PDE1B: variants seen among roughly 807,000 people sequenced by gnomAD.
The protein encoded by PDE1B is dual specificity calcium/calmodulin-dependent 3',5'-cyclic nucleotide phosphodiesterase 1B.
A neutral mutation model predicts 66.7 loss-of-function variants in PDE1B; 13 were observed. The observed-to-expected ratio is 0.19, with a 90% confidence interval of 0.13 to 0.31. The LOEUF is 0.31. Ranked by LOEUF, PDE1B falls within the 10% of genes least tolerant of loss-of-function variation. The probability of loss-of-function intolerance (pLI) is 1.00; values close to 1 mark genes in which losing one functional copy is unlikely to be tolerated. For synonymous variants in PDE1B, 230 were observed against 253.9 expected, an observed-to-expected ratio of 0.91 and a Z score of 0.90; for missense variants, 485 against 682.3, an observed-to-expected ratio of 0.71 and a Z score of 3.22.
Position 54,576,310 on chromosome 12 carries a change from G to A in PDE1B, c.1376+210G>A, listed in dbSNP as rs1466729250. ...CTATGCTCCCCTTCACCATATTTTT[G>A]TTTCTTCCATTAGCTGTCTTTCTGC... On this transcript the variant is annotated intron_variant, in intron 13 of 15. Coordinates refer to ENST00000243052, the MANE Select transcript of PDE1B (RefSeq NM_000924.4). 8.3e-6 allele frequency: 5 copies of A among 603,512 alleles called. No individual in the cohort carries two copies. In the Admixed American group the frequency reaches 1.5e-4, roughly 18 times the overall value. 37.4% of individuals were successfully genotyped at this position (603,512 alleles called of 1,614,324 possible). A position where few individuals can be genotyped will look rare whatever the true frequency, so the allele number is the denominator to read the frequency against.
Position 54,569,294 on chromosome 12 carries a change from G to A in PDE1B, c.338G>A (p.Gly113Asp). The change falls in exon 4 of 16, where the codon GGC becomes GAC. Residue 113 changes from glycine (G) to aspartate (D), a missense_variant. Physicochemically the swap from Gly to Asp is moderately conservative, Grantham distance 94. Around this residue, in one of 4 missense-constraint regions of PDE1B, gnomAD observed 282 missense variants for 453.4 expected, o/e 0.62. Transcript: ENST00000243052. This position sits in a 1 kb window ranked among gnomAD's most constrained non-coding sequence, Gnocchi z 4.4. ...TTCACCCAGCAGGCCCGGGCCAAAG[G>A]CCGCCGAGCAGAGGAGAAGCCCAAG... is the stretch of plus-strand genomic sequence containing the variant. ...STFTQQARAK[G>D]RRAEEKPKFR... 1 of 1,614,050 alleles carries A rather than the reference G, an allele frequency of 6.2e-7. No individual in the cohort carries two copies. The highest frequency in any genetic ancestry group is 8.5e-7 in the Non-Finnish European group (1 of 1,179,966).
Position 54,576,061 on chromosome 12 carries a change from C to A in PDE1B, c.1337C>A (p.Pro446His). The change falls in exon 13 of 16, where the codon CCC becomes CAC. Residue 446 changes from proline (P) to histidine (H), a missense_variant. Physicochemically the swap from Pro to His is moderately conservative, Grantham distance 77. Around this residue, in one of 4 missense-constraint regions of PDE1B, gnomAD observed 126 missense variants for 133.8 expected, o/e 0.94. Coordinates refer to ENST00000243052, the MANE Select transcript of PDE1B (RefSeq NM_000924.4). ...LTDVAEKSVQPLADEDSKSKN... is the reference protein window; with the variant it reads ...LTDVAEKSVQHLADEDSKSKN... ...GACGTGGCAGAGAAGAGTGTTCAGCCCCTGGCGGATGAGGACTCCAAGTCT... is the reference window on the plus strand; with the variant it reads ...GACGTGGCAGAGAAGAGTGTTCAGCACCTGGCGGATGAGGACTCCAAGTCT... The A allele has an allele frequency of 6.2e-7, 1 of 1,613,788 alleles. No individual in the cohort carries two copies. Among genetic ancestry groups the A allele is most frequent in the Non-Finnish European group, 8.5e-7 (1 of 1,179,664 alleles).
In PDE1B at chr12:54,575,341, A is replaced by G; in HGVS notation, c.1185+123A>G. 1.1e-6 allele frequency: 1 copy of G among 914,400 alleles called. No individual in the cohort carries two copies. Among genetic ancestry groups the G allele is most frequent in the Non-Finnish European group, 1.8e-6 (1 of 569,408 alleles). 56.6% of individuals were successfully genotyped at this position (914,400 alleles called of 1,614,324 possible). ...ACCTGTAGTCTCTGACCTGATCCCAAATCCTTGGGGTAAAACCCCATTATC... is the reference window on the plus strand; with the variant it reads ...ACCTGTAGTCTCTGACCTGATCCCAGATCCTTGGGGTAAAACCCCATTATC... On this transcript the variant is annotated intron_variant, in intron 11 of 15. Transcript: ENST00000243052. This position sits in a 1 kb window ranked among gnomAD's most constrained non-coding sequence, Gnocchi z 4.0.
At position 54,579,162 on chromosome 12, in the gene PDE1B, G is replaced by A; in HGVS notation, c.*1320G>A. ...CCTACCCCACCCCGAGAAGGGCAGA[G>A]ACGCATGTGACTCACCCCTGCCCTT... On this transcript the variant is annotated 3_prime_UTR_variant, in exon 16 of 16. Coordinates refer to ENST00000243052, the MANE Select transcript of PDE1B (RefSeq NM_000924.4). The A allele has an allele frequency of 1.1e-5, 8 of 742,576 alleles. No homozygotes were observed. The highest frequency in any genetic ancestry group is 1.3e-5 in the Non-Finnish European group (8 of 608,556). 46.0% of individuals were successfully genotyped at this position (742,576 alleles called of 1,614,324 possible).
Position 54,558,108 on chromosome 12 carries a change from A to C in PDE1B, c.113+8123A>C, listed in dbSNP as rs1052498751. Reference sequence around the variant, plus strand: ...GGCTGTTGCTAGGAACACCTGTTAGAAACGGCTTCTGGTCAGAAGGCACAG... The same window carrying C: ...GGCTGTTGCTAGGAACACCTGTTAGCAACGGCTTCTGGTCAGAAGGCACAG... On this transcript the variant is annotated intron_variant, in intron 2 of 15. Transcript: ENST00000243052. Among the ~76,000 whole-genome samples the C allele has an allele frequency of 7.9e-5, 12 of 152,128 alleles. 1 individual carries two copies. The highest frequency in any genetic ancestry group is 7.9e-4 in the Admixed American group (12 of 15,284).
At chr12:54,563,585 T>C (rs1468977411) in intron 2 of PDE1B, among the ~76,000 whole-genome samples, 1 of 152,192 alleles carries the variant, frequency 6.6e-6, no homozygotes, top group African/African-American at 2.4e-5. Flanking sequence ...AGAGAGAAGG[T>C]ACTTGTATTT....
At chr12:54,557,478 C>T (rs1462294752) in intron 2 of PDE1B, among the ~76,000 whole-genome samples, 1 of 152,126 alleles carries the variant, frequency 6.6e-6, no homozygotes, top group Non-Finnish European at 1.5e-5. Context: ...AATTGAGGCC[C>T]AAGCATCCTA....
intron 2 of PDE1B, among the ~76,000 whole-genome samples, chr12:54,552,067 T>C (rs1957285457): frequency 1.3e-5 from 2 of 152,236 alleles, no homozygotes; most frequent in Admixed American, 6.5e-5. Context: ...CAGTCTTACG[T>C]CCTTAAAGCA....
At chr12:54,553,883 C>T (rs1369063614) in intron 2 of PDE1B, among the ~76,000 whole-genome samples, 2 of 152,122 alleles carry the variant, frequency 1.3e-5, no homozygotes, top group African/African-American at 4.8e-5. Context: ...ATTGTGAATG[C>T]CTGCCTGACA....
rs1253364917 is a variant in PDE1B, at chr12:54,573,903, G to C, written c.1064+194G>C. ...TGTGTGTGTGTGTGTGTGTGTGTGT[G>C]TGTGTGTGTCCTTACGTTTACTCAC... On this transcript the variant is annotated intron_variant, in intron 10 of 15. Transcript: ENST00000243052. The surrounding 1 kb of genome is among the most constrained non-coding windows in gnomAD (Gnocchi z 5.2). 1 of 579,274 alleles carries C rather than the reference G, an allele frequency of 1.7e-6. No homozygotes were observed. Among genetic ancestry groups the C allele is most frequent in the Non-Finnish European group, 3.1e-6 (1 of 319,858 alleles). The allele number at this position is 579,274 out of a possible 1,614,324, so 35.9% of individuals were successfully genotyped here.
At position 54,567,014 on chromosome 12, in the gene PDE1B, A is replaced by G. The variant is rs966785147; in HGVS notation, c.154A>G (p.Asn52Asp). The stretch of plus-strand genomic sequence containing the variant: ...GAAGCAGTTGGAGAATGGGGAGATA[A>G]ACATTGAGGAGCTGAAGAAAAATCT... ...MVKQLENGEI[N>D]IEELKKNLEY... The change falls in exon 3 of 16, where the codon AAC (asparagine) becomes GAC (aspartate). Residue 52 changes from asparagine (N) to aspartate (D), a missense_variant. Physicochemically the swap from Asn to Asp is conservative, Grantham distance 23. Coordinates refer to ENST00000243052, the MANE Select transcript of PDE1B (RefSeq NM_000924.4). 4 of 1,612,870 alleles carry G rather than the reference A, an allele frequency of 2.5e-6. No individual in the cohort carries two copies. Among genetic ancestry groups the G allele is most frequent in the Non-Finnish European group, 3.4e-6 (4 of 1,179,276 alleles).
chr12:54,573,456 T>A lies in PDE1B; in HGVS notation c.938T>A (p.Ile313Asn). 3 of 1,614,216 alleles carry A rather than the reference T, an allele frequency of 1.9e-6. No individual in the cohort carries two copies. The highest frequency in any genetic ancestry group is 2.5e-6 in the Non-Finnish European group (3 of 1,180,038). ...LMQDDEMNIF[I>N]NLTKDEFVEL... ...CAGGATGATGAGATGAACATTTTCA[T>A]CAACCTCACCAAGGATGAGTTTGTG... Residue 313 changes from isoleucine to asparagine, a missense_variant, in exon 9 of 16, where the codon ATC (isoleucine) becomes AAC (asparagine). By Grantham distance (149) the Ile-to-Asn change is moderately radical. This residue lies in a region of PDE1B where 282 missense variants were observed against 453.4 expected (regional missense o/e 0.62). Coordinates refer to ENST00000243052, the MANE Select transcript of PDE1B (RefSeq NM_000924.4). The surrounding 1 kb of genome is among the most constrained non-coding windows in gnomAD (Gnocchi z 5.2).
chr12:54,569,606 T>C lies in PDE1B; in HGVS notation c.471T>C (p.Cys157=). Residue 157 remains cysteine, a synonymous_variant, in exon 5 of 16, where the codon TGT becomes TGC. Transcript: ENST00000243052. The surrounding 1 kb of genome is among the most constrained non-coding windows in gnomAD (Gnocchi z 4.4). ...CTTACTCTACTGCGGTTCTCAACTG[T>C]CTCAAGGTAATCTCTGGGTTTTTGG... ...GPTYSTAVLN[C]LKNLDLWCFD... 1 of 1,611,550 alleles carries C rather than the reference T, an allele frequency of 6.2e-7. No homozygotes were observed. Among genetic ancestry groups the C allele is most frequent in the Non-Finnish European group, 8.5e-7 (1 of 1,177,690 alleles).
Position 54,549,643 on chromosome 12 carries a change from T to G in PDE1B, c.-143T>G. ...GCGGTAGCGGCAGCAGCAGCGGCGG[T>G]GCGGAGAGCTTGGACTGGGAGCCCA... is the stretch of plus-strand genomic sequence containing the variant. On this transcript the variant is annotated 5_prime_UTR_variant, in exon 1 of 16. Coordinates refer to ENST00000243052, the MANE Select transcript of PDE1B (RefSeq NM_000924.4). The G allele has an allele frequency of 2.1e-6, 1 of 471,024 alleles. No homozygotes were observed. The highest frequency in any genetic ancestry group is 3.7e-6 in the Non-Finnish European group (1 of 267,286). The allele number at this position is 471,024 out of a possible 1,614,324, so 29.2% of individuals were successfully genotyped here.
At chr12:54,576,487 C>T in intron 13 of PDE1B, 84 bp from the exon 14 acceptor site, 1 of 1,536,894 alleles carries the variant, frequency 6.5e-7, no homozygotes, top group East Asian at 2.3e-5. Flanking sequence ...TCCTGGTCTT[C>T]CATGTCCTGC....
Position 54,577,360 on chromosome 12 carries a change from G to T in PDE1B, c.*17+15G>T. The T allele has an allele frequency of 1.2e-6, 2 of 1,613,294 alleles. No individual in the cohort carries two copies. Among genetic ancestry groups the T allele is most frequent in the Non-Finnish European group, 1.7e-6 (2 of 1,179,654 alleles). Reference sequence around the variant, plus strand: ...GGCTGGCCCAGGTGAGCCTGTTGTGGTGGAGGGTGTAGGAGAGCTGGTGTC... The same window carrying T: ...GGCTGGCCCAGGTGAGCCTGTTGTGTTGGAGGGTGTAGGAGAGCTGGTGTC... On this transcript the variant is annotated intron_variant, in intron 15 of 15. Transcript: ENST00000243052.
chr12:54,570,346 A>G lies in PDE1B; in HGVS notation c.583A>G (p.Ser195Gly). ...FELLTRHNLI[S>G]RFKIPTVFLM... ...GTTGCTGACTCGGCATAACCTCATC[A>G]GCCGCTTCAAGGTTGGGCAGCATCC... The change falls in exon 6 of 16, where the codon AGC becomes GGC. Residue 195 changes from serine to glycine, a missense_variant. Around this residue, in one of 4 missense-constraint regions of PDE1B, gnomAD observed 282 missense variants for 453.4 expected, o/e 0.62. Coordinates refer to ENST00000243052, the MANE Select transcript of PDE1B (RefSeq NM_000924.4). The G allele has an allele frequency of 2.5e-6, 4 of 1,602,398 alleles. No homozygotes were observed. In the South Asian group the frequency reaches 4.4e-5, roughly 18 times the overall value.
At chr12:54,561,799 C>T (rs1217667713) in intron 2 of PDE1B, among the ~76,000 whole-genome samples, 1 of 151,628 alleles carries the variant, frequency 6.6e-6, no homozygotes, top group Admixed American at 6.6e-5. Flanking sequence ...CCAACTTCAC[C>T]TTTTACTCTG....
At chr12:54,552,179 A>T (rs1338015362) in intron 2 of PDE1B, among the ~76,000 whole-genome samples, 1 of 152,116 alleles carries the variant, frequency 6.6e-6, no homozygotes, top group Non-Finnish European at 1.5e-5. Flanking sequence ...CTATCAGATG[A>T]AGGGAAATAA....
Sources: gnomAD v4.1 joint callset for allele counts (sites outside exome capture counted in the v4.1 genomes callset) on GRCh38, gnomAD v4.1.1 for gene constraint, gnomAD v4.1.1 regional missense constraint, Gnocchi (gnomAD v3.1) non-coding constraint, MANE v1.5 for transcripts, NCBI Gene and HGNC (gene_info 2026-07-23, HGNC 2026-07-21) for gene names.